Variants in TNRC6C observed in about 807,000 individuals in gnomAD.
TNRC6C encodes the protein trinucleotide repeat containing adaptor 6C.
Under a neutral mutation model 153.7 loss-of-function variants are expected in TNRC6C, and 20 were observed. That is an observed-to-expected ratio of 0.13 (90% CI 0.09 to 0.19). The LOEUF (loss-of-function observed/expected upper bound fraction) is 0.19. Among genes scored for constraint, TNRC6C ranks in the 10% least tolerant of loss-of-function variants. The pLI, the probability that TNRC6C is intolerant of heterozygous loss-of-function variation, is 1.00. For missense variants in TNRC6C, 1,987 were observed against 2,172.0 expected (o/e 0.91, Z 1.69); for synonymous variants, 811 against 841.4 (o/e 0.96, Z 0.63).
intron 2 of TNRC6C, among the ~76,000 whole-genome samples, chr17:78,042,539 G>A (rs973191400): frequency 2.2e-4 from 34 of 151,362 alleles, no homozygotes; most frequent in African/African-American, 8.0e-4. Flanking sequence ...CAAAATGGCT[G>A]CTCTTAAAAT....
chr17:77,984,793 G>A (rs2071136686), intron 1 of TNRC6C, among the ~76,000 whole-genome samples: 1 of 152,040 alleles, frequency 6.6e-6, no homozygotes, highest in Non-Finnish European at 1.5e-5. Context: ...GTCCTGCGTG[G>A]AGGGATCTTC....
chr17:78,106,887 A>C (rs972509387), exon 20 of TNRC6C: 5 of 151,362 alleles, frequency 3.3e-5, no homozygotes, highest in African/African-American at 9.7e-5. Flanking sequence ...AAAAATACAA[A>C]AAAAAAAAAA....
chr17:78,102,598 T>A, intron 18 of TNRC6C, 54 bp downstream of exon 21: 1 of 1,536,056 alleles, frequency 6.5e-7, no homozygotes, highest in Non-Finnish European at 8.8e-7. Flanking sequence ...GGTTCCCGCT[T>A]GGCCCCCAAT....
At chr17:78,050,998 A>G in exon 3 of TNRC6C, 2 of 1,613,974 alleles carry the variant, frequency 1.2e-6, no homozygotes, top group Non-Finnish European at 1.7e-6. Flanking sequence ...CAACAGCACA[A>G]ATACAAAGGC....
chr17:78,057,041 T>A (rs2072672719), intron 3 of TNRC6C, among the ~76,000 whole-genome samples: 1 of 152,198 alleles, frequency 6.6e-6, no homozygotes, highest in Admixed American at 6.5e-5. Context: ...AGCAATACTA[T>A]AGGAGCAGTT....
At chr17:78,046,163 T>C (rs918998484) in intron 2 of TNRC6C, among the ~76,000 whole-genome samples, 2 of 152,112 alleles carry the variant, frequency 1.3e-5, no homozygotes, top group Non-Finnish European at 2.9e-5. Flanking sequence ...TGTTGGCCTC[T>C]TTCTTACCGA....
At position 78,064,657 on chromosome 17, in the gene TNRC6C, A is replaced by G. The variant is rs912797568; in HGVS notation, c.2396-65A>G. ...AAATTATTTTGAAATTGAAAACTGA[A>G]TTATATTTTTGCTTTTCTCTGATGC... On this transcript the variant is annotated intron_variant, in intron 3 of 19. Coordinates refer to ENST00000301624, the Ensembl canonical transcript of TNRC6C. 4 of 1,462,768 alleles carry G rather than the reference A, an allele frequency of 2.7e-6. 1 individual carries two copies. The highest frequency in any genetic ancestry group is 1.7e-4 in the Middle Eastern group (1 of 5,770). 90.6% of individuals were successfully genotyped at this position (1,462,768 alleles called of 1,614,324 possible). A position where few individuals can be genotyped will look rare whatever the true frequency, so the allele number is the denominator to read the frequency against.
chr17:78,087,878 A>G (rs1165874829), intron 13 of TNRC6C, among the ~76,000 whole-genome samples: 1 of 152,236 alleles, frequency 6.6e-6, no homozygotes, highest in Non-Finnish European at 1.5e-5. Context: ...CACAGCTCAC[A>G]TACCTGAAGA....
At chr17:78,086,960 C>A in exon 13 of TNRC6C, 2 of 1,613,632 alleles carry the variant, frequency 1.2e-6, no homozygotes, top group South Asian at 2.2e-5. Flanking sequence ...CCCCGCCGCA[C>A]CTGTCTCTGC....
intron 4 of TNRC6C, chr17:78,066,342 GT>G (rs983181221): frequency 1.3e-5 from 2 of 151,076 alleles, no homozygotes; most frequent in Admixed American, 6.6e-5. Flanking sequence ...GTACTTTGTG[GT>G]TTTTTTTGGT....
intron 17 of TNRC6C, among the ~76,000 whole-genome samples, chr17:78,100,427 C>G (rs2073568742): frequency 6.6e-6 from 1 of 152,228 alleles, no homozygotes; most frequent in Admixed American, 6.5e-5. Context: ...CACCCAGAGT[C>G]TCAACACCAC....
In TNRC6C at chr17:78,083,311, G is replaced by A. The variant is rs2073216629; in HGVS notation, c.3477+145G>A. 3.5e-6 allele frequency: 4 copies of A among 1,152,768 alleles called. No homozygotes were observed. In the East Asian group the frequency reaches 7.6e-5, roughly 22 times the overall value. 71.4% of individuals were successfully genotyped at this position (1,152,768 alleles called of 1,614,324 possible). On this transcript the variant is annotated intron_variant, in intron 11 of 19. Coordinates refer to ENST00000301624, the Ensembl canonical transcript of TNRC6C. ...CATGAAGTATTTAAACTCTTCATGA[G>A]TTAGGGAGTTCTCACTCAAAGGTGT...
At chr17:78,105,713 G>A (rs1821520553) in exon 20 of TNRC6C, 1 of 152,240 alleles carries the variant, frequency 6.6e-6, no homozygotes, top group Admixed American at 6.5e-5. Context: ...GAAAGCGTGT[G>A]AGGATTTAAC....
chr17:78,093,658 A>G, exon 16 of TNRC6C: 1 of 1,614,050 alleles, frequency 6.2e-7, no homozygotes, highest in Non-Finnish European at 8.5e-7. Flanking sequence ...ACTGCAGAAT[A>G]TTGACCCTGA....
chr17:78,071,130 C>T (rs1305412589), exon 6 of TNRC6C: 40 of 1,606,888 alleles, frequency 2.5e-5, no homozygotes, highest in Non-Finnish European at 3.2e-5. Context: ...GATCATGAGC[C>T]GGCTGATCAA....
intron 1 of TNRC6C, among the ~76,000 whole-genome samples, chr17:77,984,832 A>C (rs1056687296): frequency 6.6e-6 from 1 of 152,110 alleles, no homozygotes; most frequent in Admixed American, 6.5e-5. Context: ...TTATACGCAC[A>C]CACACACACA....
chr17:77,979,501 A>G (rs188413176), intron 1 of TNRC6C, among the ~76,000 whole-genome samples: 1 of 152,294 alleles, frequency 6.6e-6, no homozygotes, highest in East Asian at 1.9e-4. Context: ...AAACTAGAAG[A>G]TAGATCAGAA....
intron 7 of TNRC6C, among the ~76,000 whole-genome samples, chr17:78,073,947 A>G (rs552940083): frequency 6.6e-6 from 1 of 152,300 alleles, no homozygotes; most frequent in South Asian, 2.1e-4. Context: ...TCACATGCCC[A>G]GATGTTACTT....
chr17:77,969,470 G>A (rs2070924320), intron 1 of TNRC6C, among the ~76,000 whole-genome samples: 1 of 151,790 alleles, frequency 6.6e-6, no homozygotes, highest in South Asian at 2.1e-4. Flanking sequence ...GGGTGGTCTC[G>A]AATTCCTGAT....
Sources: gnomAD v4.1 joint callset for allele counts (sites outside exome capture counted in the v4.1 genomes callset) on GRCh38, gnomAD v4.1.1 for gene constraint, MANE v1.5 for transcripts, NCBI Gene and HGNC (gene_info 2026-07-23, HGNC 2026-07-21) for gene names.